The following PCYT1B variants were observed in gnomAD, a reference collection of about 807,000 sequenced individuals.
PCYT1B encodes the protein choline-phosphate cytidylyltransferase B.
A neutral mutation model predicts 26.4 loss-of-function variants in PCYT1B; 10 were observed. That is an observed-to-expected ratio of 0.38 (90% CI 0.23 to 0.64). The LOEUF is 0.64. PCYT1B is among the 30% of genes least tolerant of loss of function. PCYT1B has a pLI of 0.56. For synonymous variants in PCYT1B, 131 were observed against 108.4 expected, an observed-to-expected ratio of 1.21 and a Z score of -1.29; for missense variants, 161 against 292.7, an observed-to-expected ratio of 0.55 and a Z score of 3.28.
intron 7 of PCYT1B, among the ~76,000 whole-genome samples, chrX:24,570,753 C>T (rs764248464): frequency 8.9e-6 from 1 of 111,776 alleles, no homozygotes; most frequent in Non-Finnish European, 1.9e-5. Flanking sequence ...GCTGAGAAAG[C>T]CTAGAGACAG....
chrX:24,641,095 G>A (rs952761624), intron 1 of PCYT1B, among the ~76,000 whole-genome samples: 4 of 111,039 alleles, frequency 3.6e-5, no homozygotes, highest in South Asian at 7.7e-4. Flanking sequence ...TACCATACCC[G>A]GCTAATTTTT....
In PCYT1B at chrX:24,586,369, T is replaced by C. The variant is rs1429340939; in HGVS notation, c.565+872A>G. On this transcript the variant is annotated intron_variant, in intron 5 of 7. Transcript: ENST00000379144. ...GCCAAGAAGGAGATAGGAGCCTGGG[T>C]CAGTGACCCTTAGGAGCCCATCCTA... 1.8e-4 allele frequency among the ~76,000 whole-genome samples: 20 copies of C among 112,455 alleles called. No homozygotes were observed. The East Asian group carries it at 5.6e-3, about 32-fold the overall frequency.
At chrX:24,637,491 A>AAATATATATATATATATATATAT in intron 1 of PCYT1B, among the ~76,000 whole-genome samples, 1 of 52,880 alleles carries the variant, frequency 1.9e-5, no homozygotes, top group East Asian at 1.2e-3. Flanking sequence ...AAAAAAAAAA[A>AAATATATATATATATATATATAT]ATATATATAT....
intron 1 of PCYT1B, among the ~76,000 whole-genome samples, chrX:24,667,130 G>A (rs757232588): frequency 9.1e-6 from 1 of 110,421 alleles, no homozygotes; most frequent in East Asian, 2.9e-4. Context: ...TCGCTTCTTG[G>A]CCTTTTGGCT....
At chrX:24,644,003 A>C (rs904445254) in intron 1 of PCYT1B, among the ~76,000 whole-genome samples, 1 of 112,280 alleles carries the variant, frequency 8.9e-6, no homozygotes, top group Non-Finnish European at 1.9e-5. Context: ...AGAAATGCAG[A>C]ATTTATACAA....
At chrX:24,615,906 G>C (rs1389334524) in intron 2 of PCYT1B, among the ~76,000 whole-genome samples, 2 of 111,655 alleles carry the variant, frequency 1.8e-5, no homozygotes, top group African/African-American at 6.5e-5. Context: ...AAGGCAGATC[G>C]TTGCAGTAGG....
Position 24,617,264 on chromosome X carries a change from G to GATACATATAAAGATCTTA in PCYT1B, c.217+1703_217+1720dup, listed in dbSNP as rs1925530200. Among the ~76,000 whole-genome samples the GATACATATAAAGATCTTA allele has an allele frequency of 3.6e-5, 4 of 110,397 alleles. No individual in the cohort carries two copies. In the South Asian group the frequency reaches 1.5e-3, roughly 43 times the overall value. On this transcript the variant is annotated intron_variant, in intron 2 of 7. Transcript: ENST00000379144. ...TAGAGTTGTGATAGTGAAATGACAT[G>GATACATATAAAGATCTTA]ATACATATAAAGATCTTAATACATA... is the stretch of plus-strand genomic sequence containing the variant.
chrX:24,614,696 AACCAAACCCTTCTTG>A (rs1925428975), intron 2 of PCYT1B, among the ~76,000 whole-genome samples: 1 of 112,200 alleles, frequency 8.9e-6, no homozygotes, highest in Admixed American at 9.5e-5. Context: ...AAACTCTTGA[AACCAAACCCTTCTTG>A]ACCAAACCCT....
chrX:24,569,852 A>G (rs917035319), intron 7 of PCYT1B, among the ~76,000 whole-genome samples: 1 of 111,612 alleles, frequency 9.0e-6, no homozygotes, highest in Non-Finnish European at 1.9e-5. Flanking sequence ...GGACAATGTG[A>G]ATGCAACCAT....
chrX:24,598,024 C>T (rs1211701431), intron 3 of PCYT1B, among the ~76,000 whole-genome samples: 1 of 112,123 alleles, frequency 8.9e-6, no homozygotes, highest in Non-Finnish European at 1.9e-5. Context: ...CAGCTATTTA[C>T]TTGAAAATCA....
chrX:24,661,173 A>G (rs928294441), intron 1 of PCYT1B, among the ~76,000 whole-genome samples: 2 of 112,330 alleles, frequency 1.8e-5, no homozygotes, highest in East Asian at 2.8e-4. Flanking sequence ...ATGTTTTTCA[A>G]TGCATGAGTT....
chrX:24,644,795 T>C (rs1025512995), intron 1 of PCYT1B, among the ~76,000 whole-genome samples: 1 of 112,022 alleles, frequency 8.9e-6, no homozygotes, highest in African/African-American at 3.2e-5. Flanking sequence ...GTGCAGTGGG[T>C]CACACCTGTA....
rs1923354053 is a variant in PCYT1B at position 24,560,166 on chromosome X, G to C, written c.*2127C>G. 8.9e-6 allele frequency: 1 copy of C among 111,898 alleles called. No homozygotes were observed. The highest frequency in any genetic ancestry group is 1.9e-5 in the Non-Finnish European group (1 of 53,160). The allele number at this position is 111,898 out of a possible 1,213,427, so 9.2% of individuals were successfully genotyped here. A position where few individuals can be genotyped will look rare whatever the true frequency, so the allele number is the denominator to read the frequency against. Reference sequence around the variant, plus strand: ...TGGGCCATGGAGCAGGGGCACAAAGGCCTTCCCAAGAGAGTCTCACCTGTA... The same window carrying C: ...TGGGCCATGGAGCAGGGGCACAAAGCCCTTCCCAAGAGAGTCTCACCTGTA... On this transcript the variant is annotated 3_prime_UTR_variant, in exon 8 of 8. Transcript: ENST00000379144.
chrX:24,602,131 G>A (rs1209212367), intron 3 of PCYT1B, among the ~76,000 whole-genome samples: 3 of 112,063 alleles, frequency 2.7e-5, no homozygotes, highest in Non-Finnish European at 5.6e-5. Context: ...ATAAACTGTG[G>A]TACATCCAGA....
rs899210410 is a variant in PCYT1B at position 24,558,485 on chromosome X, G to A, written c.*3808C>T. On this transcript the variant is annotated 3_prime_UTR_variant, in exon 8 of 8. Coordinates refer to ENST00000379144, the MANE Select transcript of PCYT1B (RefSeq NM_004845.5). ...AAGAAACAGGCACATCTCTGCTAGA[G>A]ACGGGCTCATCTGCTTCAGCTGAGC... is the stretch of plus-strand genomic sequence containing the variant. 9.1e-6 allele frequency: 1 copy of A among 109,907 alleles called. No individual in the cohort carries two copies. The highest frequency in any genetic ancestry group is 3.3e-5 in the African/African-American group (1 of 30,120). The allele number at this position is 109,907 out of a possible 1,213,427, so 9.1% of individuals were successfully genotyped here. A position where few individuals can be genotyped will look rare whatever the true frequency, so the allele number is the denominator to read the frequency against.
At chrX:24,587,884 T>G (rs1361031128) in intron 4 of PCYT1B, among the ~76,000 whole-genome samples, 2 of 112,299 alleles carry the variant, frequency 1.8e-5, no homozygotes, top group Non-Finnish European at 3.8e-5. Flanking sequence ...AAGACTGGAG[T>G]GGGCCGCTGG....
At chrX:24,634,523 G>A (rs1024514825) in intron 1 of PCYT1B, among the ~76,000 whole-genome samples, 4 of 111,367 alleles carry the variant, frequency 3.6e-5, no homozygotes, top group Admixed American at 1.9e-4. Flanking sequence ...TGAGGCAGGC[G>A]GATCACGAGG....
At chrX:24,569,639 A>T (rs1004205316) in intron 7 of PCYT1B, among the ~76,000 whole-genome samples, 2 of 112,406 alleles carry the variant, frequency 1.8e-5, no homozygotes, top group Admixed American at 1.9e-4. Context: ...GCTAAGTGAA[A>T]TATGCCAGCC....
At chrX:24,588,336 G>C (rs189621000) in intron 4 of PCYT1B, among the ~76,000 whole-genome samples, 1 of 111,561 alleles carries the variant, frequency 9.0e-6, no homozygotes, top group Admixed American at 9.5e-5. Context: ...GTCACATGGG[G>C]TATCCTCCTT....
Sources: gnomAD v4.1 joint callset for allele counts (sites outside exome capture counted in the v4.1 genomes callset) on GRCh38, gnomAD v4.1.1 for gene constraint, MANE v1.5 for transcripts, NCBI Gene and HGNC (gene_info 2026-07-23, HGNC 2026-07-21) for gene names.